The following PDHX variants were observed in gnomAD, a reference collection of about 807,000 sequenced individuals.
The protein encoded by PDHX is pyruvate dehydrogenase protein X component, mitochondrial.
A neutral mutation model predicts 55.3 loss-of-function variants in PDHX; 33 were observed. The ratio of observed to expected loss-of-function variants is 0.60; its 90% confidence interval spans 0.45 to 0.80. The LOEUF (loss-of-function observed/expected upper bound fraction) is 0.80, where lower values mean the gene tolerates loss of function less well. Among genes scored for constraint, PDHX ranks in the 30% least tolerant of loss-of-function variants. PDHX has a pLI of 0.00. For synonymous variants in PDHX, 226 were observed against 219.4 expected, an observed-to-expected ratio of 1.03 and a Z score of -0.27; for missense variants, 622 against 619.9, an observed-to-expected ratio of 1.00 and a Z score of -0.04.
At chr11:34,928,806 A>G (rs1030158701) in intron 1 of PDHX, among the ~76,000 whole-genome samples, 14 of 152,196 alleles carry the variant, frequency 9.2e-5, no homozygotes, top group African/African-American at 3.1e-4. Flanking sequence ...GTGTTTTCCA[A>G]GTGCACTTCC....
At chr11:34,980,961 G>A (rs1350747839) in intron 8 of PDHX, among the ~76,000 whole-genome samples, 2 of 151,896 alleles carry the variant, frequency 1.3e-5, no homozygotes, top group Admixed American at 6.6e-5. Context: ...TTATTAATAG[G>A]CAGGGTTTCC....
At chr11:34,934,105 A>G (rs1432205745) in intron 2 of PDHX, among the ~76,000 whole-genome samples, 1 of 152,172 alleles carries the variant, frequency 6.6e-6, no homozygotes, top group Admixed American at 6.5e-5. Context: ...CACAGTTGTT[A>G]AAAGATAGAA....
Position 34,960,576 on chromosome 11 carries a change from T to C in PDHX, c.641+58T>C, listed in dbSNP as rs969821028. The C allele has an allele frequency of 2.8e-6, 3 of 1,063,536 alleles. No individual in the cohort carries two copies. In the African/African-American group the frequency reaches 4.7e-5, roughly 17 times the overall value. The allele number at this position is 1,063,536 out of a possible 1,614,324, so 65.9% of individuals were successfully genotyped here. A position where few individuals can be genotyped will look rare whatever the true frequency, so the allele number is the denominator to read the frequency against. On this transcript the variant is annotated intron_variant, in intron 5 of 10. Coordinates refer to ENST00000227868, the MANE Select transcript of PDHX (RefSeq NM_003477.3). ...ATTATTTATTATGATCATGTTTTTT[T>C]GAAAGAAAATAAAAAGAGCTTATTC... is the stretch of plus-strand genomic sequence containing the variant.
intron 9 of PDHX, among the ~76,000 whole-genome samples, chr11:34,988,558 CAAA>C (rs201687707): frequency 7.1e-5 from 10 of 140,550 alleles, no homozygotes; most frequent in Admixed American, 1.4e-4. Flanking sequence ...TGTTTTCTGT[CAAA>C]AAAAAAAAAA....
chr11:34,982,830 A>G (rs1354237386), intron 8 of PDHX, among the ~76,000 whole-genome samples: 1 of 152,214 alleles, frequency 6.6e-6, no homozygotes, highest in African/African-American at 2.4e-5. Flanking sequence ...TCACAGCCGA[A>G]TTCTACCAGA....
intron 2 of PDHX, among the ~76,000 whole-genome samples, chr11:34,944,231 T>C (rs1854568238): frequency 6.6e-6 from 1 of 152,014 alleles, no homozygotes; most frequent in Non-Finnish European, 1.5e-5. Context: ...GTGATTCTTC[T>C]GCCTCAACCT....
chr11:34,923,145 A>C lies in PDHX; in HGVS notation c.160+6330A>C, dbSNP rs1222691093. On this transcript the variant is annotated intron_variant, in intron 1 of 10. Transcript: ENST00000227868. Reference sequence around the variant, plus strand: ...TTTTCTAATGTGCCATTGGATACTAAGTAGAAGTATAATAATATAGAATCA... The same window carrying C: ...TTTTCTAATGTGCCATTGGATACTACGTAGAAGTATAATAATATAGAATCA... Among the ~76,000 whole-genome samples, 4 of 152,274 alleles carry C rather than the reference A, an allele frequency of 2.6e-5. No individual in the cohort carries two copies. The East Asian group carries it at 7.7e-4, about 29-fold the overall frequency.
At chr11:34,964,879 AT>A (rs1855097473) in intron 5 of PDHX, among the ~76,000 whole-genome samples, 1 of 139,126 alleles carries the variant, frequency 7.2e-6, no homozygotes, top group African/African-American at 3.4e-5. Flanking sequence ...AATATTACAT[AT>A]TACTAAATAT....
chr11:34,929,918 TG>T (rs1361347850), intron 1 of PDHX, among the ~76,000 whole-genome samples: 1 of 152,204 alleles, frequency 6.6e-6, no homozygotes, highest in East Asian at 1.9e-4. Flanking sequence ...TACATTGGAT[TG>T]GAGAATGTGA....
chr11:34,966,661 G>T lies in PDHX; in HGVS notation c.663G>T (p.Gln221His). The change falls in exon 6 of 11, where the codon CAG (glutamine) becomes CAT (histidine). Residue 221 changes from glutamine (Q) to histidine (H), a missense_variant. Transcript: ENST00000227868. ...CCAGGGATGCTCTCAAACTTGTCCA[G>T]TTGAAACAAACGGGCAAGATTACCG... ...FTKEDALKLVQLKQTGKITES... is the reference protein window; with the variant it reads ...FTKEDALKLVHLKQTGKITES... The T allele has an allele frequency of 6.2e-7, 1 of 1,613,980 alleles. No individual in the cohort carries two copies. Among genetic ancestry groups the T allele is most frequent in the Non-Finnish European group, 8.5e-7 (1 of 1,179,986 alleles).
chr11:34,966,909 T>A, intron 6 of PDHX, 95 bp downstream of exon 6: 1 of 1,101,586 alleles, frequency 9.1e-7, no homozygotes, highest in Non-Finnish European at 1.4e-6. Flanking sequence ...TGGAGTGCAA[T>A]GGCACAATCT....
intron 8 of PDHX, among the ~76,000 whole-genome samples, chr11:34,983,887 C>T (rs530857894): frequency 6.6e-6 from 1 of 152,310 alleles, no homozygotes; most frequent in Non-Finnish European, 1.5e-5. Flanking sequence ...CCCCATCAAG[C>T]TACCAATGAG....
chr11:34,931,396 A>G lies in PDHX; in HGVS notation c.161-8A>G, dbSNP rs1854161689. The stretch of plus-strand genomic sequence containing the variant: ...TTGTGGCTCATCTTTCCTTTTTTTC[A>G]ATTTCAGGTGATCCCATTAAGATAC... On this transcript the variant is annotated splice_region_variant and splice_polypyrimidine_tract_variant and intron_variant, in intron 1 of 10. Transcript: ENST00000227868. 5.8e-6 allele frequency: 9 copies of G among 1,546,572 alleles called. No homozygotes were observed. The highest frequency in any genetic ancestry group is 7.1e-6 in the Non-Finnish European group (8 of 1,120,096).
At chr11:34,939,576 A>G (rs1854423861) in intron 2 of PDHX, among the ~76,000 whole-genome samples, 2 of 152,082 alleles carry the variant, frequency 1.3e-5, no homozygotes, top group Non-Finnish European at 2.9e-5. Flanking sequence ...CCCAGGAATC[A>G]TGGTTTTTCC....
At chr11:34,917,194 A>T (rs1437518045) in intron 1 of PDHX, among the ~76,000 whole-genome samples, 1 of 152,096 alleles carries the variant, frequency 6.6e-6, no homozygotes, top group East Asian at 1.9e-4. Context: ...AAGGTTGCCG[A>T]GATTGAAAAG....
At chr11:34,984,775 T>G (rs746927267) in intron 9 of PDHX, 47 bp downstream of exon 9, 2 of 1,568,066 alleles carry the variant, frequency 1.3e-6, no homozygotes, top group Non-Finnish European at 1.8e-6. Flanking sequence ...GCATATACTT[T>G]TGGATAATTA....
rs1853725267 is a variant in PDHX, at chr11:34,916,756, G to C, written c.101G>C (p.Gly34Ala). 6.2e-7 allele frequency: 1 copy of C among 1,611,952 alleles called. No homozygotes were observed. Among genetic ancestry groups the C allele is most frequent in the South Asian group, 1.1e-5 (1 of 90,756 alleles). The change falls in exon 1 of 11, where the codon GGG becomes GCG. Residue 34 changes from glycine to alanine, a missense_variant. Physicochemically the swap from Gly to Ala is moderately conservative, Grantham distance 60. Coordinates refer to ENST00000227868, the MANE Select transcript of PDHX (RefSeq NM_003477.3). ...GTAGGGCTGGTGAAGGGGGCTCTTG[G>C]GTGGTCTGTAAGCCGCGGAGCTAAT... ...RSVGLVKGALGWSVSRGANWR... is the reference protein window; with the variant it reads ...RSVGLVKGALAWSVSRGANWR...
upstream of PDHX, chr11:34,916,458 A>G (rs1565143915): frequency 6.8e-7 from 1 of 1,462,848 alleles, no homozygotes; most frequent in Non-Finnish European, 9.0e-7. Flanking sequence ...CGGCTGAGAT[A>G]TCCAGCGGCG....
chr11:34,975,035 C>T (rs1047923282), intron 7 of PDHX, among the ~76,000 whole-genome samples: 1 of 152,086 alleles, frequency 6.6e-6, no homozygotes, highest in African/African-American at 2.4e-5. Context: ...ATTATTTTTG[C>T]TGGATATAGA....
Sources: allele counts gnomAD v4.1 joint callset (sites outside exome capture counted in the v4.1 genomes callset), GRCh38; gene constraint gnomAD v4.1.1; transcripts MANE v1.5; gene names NCBI Gene and HGNC (gene_info 2026-07-23, HGNC 2026-07-21).